CSMD1: variants seen among roughly 807,000 people sequenced by gnomAD.
CSMD1 encodes the protein CUB and Sushi multiple domains 1.
Under a neutral mutation model 417.5 loss-of-function variants are expected in CSMD1, and 213 were observed. The ratio of observed to expected loss-of-function variants is 0.51; its 90% CI spans 0.46 to 0.57. CSMD1 has a LOEUF of 0.57. CSMD1 is among the 20% of genes least tolerant of loss of function. The probability of loss-of-function intolerance (pLI) is 0.00; values close to 1 mark genes in which losing one functional copy is unlikely to be tolerated. For synonymous variants in CSMD1, 2,862 were observed against 1,736.8 expected (o/e 1.65, Z -16.11); for missense variants, 6,923 against 4,529.7 (o/e 1.53, Z -15.17).
At chr8:4,160,008 G>A (rs1280319438) in intron 3 of CSMD1, among the ~76,000 whole-genome samples, 2 of 151,676 alleles carry the variant, frequency 1.3e-5, no homozygotes, top group Non-Finnish European at 2.9e-5. Context: ...TCTGGTGATG[G>A]GTGCACCAAA....
intron 1 of CSMD1, among the ~76,000 whole-genome samples, chr8:4,933,275 C>A (rs1275497926): frequency 6.6e-6 from 1 of 152,118 alleles, no homozygotes; most frequent in Non-Finnish European, 1.5e-5. Flanking sequence ...AAAGCAACAG[C>A]AACATTCTCT....
intron 2 of CSMD1, among the ~76,000 whole-genome samples, chr8:4,580,164 T>C (rs907419720): frequency 6.6e-6 from 1 of 152,184 alleles, no homozygotes; most frequent in African/African-American, 2.4e-5. Flanking sequence ...GGCACTGCTT[T>C]CAACTGTTAT....
At chr8:3,578,242 A>C (rs1254388751) in intron 9 of CSMD1, among the ~76,000 whole-genome samples, 2 of 152,202 alleles carry the variant, frequency 1.3e-5, no homozygotes, top group African/African-American at 2.4e-5. Context: ...TTAGAGAAGA[A>C]AATGGGACAG....
intron 7 of CSMD1, among the ~76,000 whole-genome samples, chr8:3,655,542 A>T (rs1159558112): frequency 6.6e-6 from 1 of 152,202 alleles, no homozygotes; most frequent in Non-Finnish European, 1.5e-5. Context: ...CCTGCTGGGA[A>T]ACCCAACTGT....
At chr8:4,851,118 G>A (rs1480276647) in intron 1 of CSMD1, among the ~76,000 whole-genome samples, 2 of 107,388 alleles carry the variant, frequency 1.9e-5, no homozygotes, top group Non-Finnish European at 3.5e-5. Context: ...CCCCACAACA[G>A]TCCCCGGAGT....
chr8:3,281,056 C>A (rs182307640), intron 26 of CSMD1, among the ~76,000 whole-genome samples: 7 of 152,262 alleles, frequency 4.6e-5, no homozygotes, highest in African/African-American at 1.4e-4. Context: ...TGAAAACTTA[C>A]GTCCACACAA....
In CSMD1 at chr8:4,994,382, A is replaced by G; in HGVS notation, c.35T>C (p.Leu12Pro). ...GCACAGCACCAGCAGCCCGAGAAGC[A>G]GGAGCAGCGACTGGAATCTCCTCCA... Reference protein sequence around the residue: ...TAWRRFQSLLLLLGLLVLCAR... With the variant: ...TAWRRFQSLLPLLGLLVLCAR... The change falls in exon 1 of 70, where the codon CTG becomes CCG. Residue 12 changes from leucine to proline, a missense_variant. Coordinates refer to ENST00000635120, the MANE Select transcript of CSMD1 (RefSeq NM_033225.6). 1 of 1,612,314 alleles carries G rather than the reference A, an allele frequency of 6.2e-7. No homozygotes were observed. The highest frequency in any genetic ancestry group is 2.2e-5 in the East Asian group (1 of 44,836).
At chr8:3,678,444 A>G (rs190115708) in intron 7 of CSMD1, among the ~76,000 whole-genome samples, 66 of 152,340 alleles carry the variant, frequency 4.3e-4, no homozygotes, top group Non-Finnish European at 7.5e-4. Flanking sequence ...TCAGTGACTG[A>G]AGATCAAATG....
intron 16 of CSMD1, 59 bp from the exon 17 acceptor site, chr8:3,396,440 C>G (rs1811707406): frequency 1.6e-6 from 2 of 1,213,050 alleles, no homozygotes; most frequent in African/African-American, 3.1e-5. Flanking sequence ...TACAGACGTG[C>G]TCCTGACATC....
intron 20 of CSMD1, among the ~76,000 whole-genome samples, chr8:3,365,349 G>A (rs1449024288): frequency 6.6e-6 from 1 of 152,168 alleles, no homozygotes; most frequent in Non-Finnish European, 1.5e-5. Flanking sequence ...GGAGTATAAA[G>A]TAGTTCAGAG....
chr8:4,132,216 C>A (rs2552161), intron 3 of CSMD1, among the ~76,000 whole-genome samples: 4 of 17,466 alleles, frequency 2.3e-4, no homozygotes, highest in South Asian at 6.0e-3. Context: ...TTTTTTTTTT[C>A]ACGGGGTAGT....
intron 2 of CSMD1, among the ~76,000 whole-genome samples, chr8:4,579,892 T>C (rs1379974028): frequency 2.0e-5 from 3 of 152,200 alleles, no homozygotes; most frequent in African/African-American, 7.2e-5. Flanking sequence ...CTAAGTCTTA[T>C]AAGGGTATAA....
chr8:4,257,797 A>G (rs902420806), intron 3 of CSMD1, among the ~76,000 whole-genome samples: 4 of 152,220 alleles, frequency 2.6e-5, no homozygotes, highest in African/African-American at 9.7e-5. Context: ...TGCCACTAGC[A>G]TTTAATGTGC....
intron 16 of CSMD1, 136 bp downstream of exon 16, chr8:3,399,255 C>T (rs1252084203): frequency 4.3e-6 from 3 of 696,008 alleles, no homozygotes; most frequent in African/African-American, 1.8e-5. Context: ...CAAGTAAGTG[C>T]CTGTTTCTGG....
At chr8:3,828,006 G>C (rs917152415) in intron 5 of CSMD1, among the ~76,000 whole-genome samples, 2 of 152,216 alleles carry the variant, frequency 1.3e-5, no homozygotes, top group Non-Finnish European at 2.9e-5. Flanking sequence ...CTCATGCATG[G>C]CAAGACTTTA....
At chr8:4,753,225 C>CT (rs1389086035) in intron 1 of CSMD1, among the ~76,000 whole-genome samples, 2 of 151,890 alleles carry the variant, frequency 1.3e-5, no homozygotes, top group Non-Finnish European at 2.9e-5. Context: ...AGCTCATTTG[C>CT]TTTTTTCTGC....
At chr8:4,411,556 T>A (rs568581169) in intron 3 of CSMD1, among the ~76,000 whole-genome samples, 2 of 152,318 alleles carry the variant, frequency 1.3e-5, no homozygotes, top group East Asian at 3.9e-4. Context: ...CATTAATTAA[T>A]TTTTTCTGTG....
intron 3 of CSMD1, among the ~76,000 whole-genome samples, chr8:4,090,606 C>T (rs1023748078): frequency 6.6e-6 from 1 of 152,186 alleles, no homozygotes; most frequent in Non-Finnish European, 1.5e-5. Context: ...AAGTGTGATA[C>T]ACGAATTCTC....
chr8:4,993,200 T>C (rs1327601089), intron 1 of CSMD1, among the ~76,000 whole-genome samples: 3 of 151,876 alleles, frequency 2.0e-5, no homozygotes, highest in African/African-American at 4.8e-5. Flanking sequence ...CAAGTGACCA[T>C]TGAAAAAAAA....
Sources: gnomAD v4.1 joint callset for allele counts (sites outside exome capture counted in the v4.1 genomes callset) on GRCh38, gnomAD v4.1.1 for gene constraint, MANE v1.5 for transcripts, NCBI Gene and HGNC (gene_info 2026-07-23, HGNC 2026-07-21) for gene names.